Variants in CFAP36 observed in about 807,000 individuals in gnomAD.
CFAP36 encodes the protein cilia- and flagella-associated protein 36.
CFAP36 carries 37 observed loss-of-function variants against 50.5 expected under a neutral mutation model. The observed-to-expected ratio is 0.73, with a 90% CI of 0.56 to 0.96. The LOEUF is 0.96. Among genes scored for constraint, CFAP36 ranks in the 50% least tolerant of loss-of-function variants. CFAP36 has a pLI of 0.00. For synonymous variants in CFAP36, 138 were observed against 128.2 expected, an observed-to-expected ratio of 1.08 and a Z score of -0.52; for missense variants, 407 against 396.2, an observed-to-expected ratio of 1.03 and a Z score of -0.23.
At position 55,519,723 on chromosome 2, in the gene CFAP36, G is replaced by C. The variant is rs1460465962; in HGVS notation, c.-79G>C. On this transcript the variant is annotated 5_prime_UTR_variant, in exon 1 of 10. Coordinates refer to ENST00000349456, the MANE Select transcript of CFAP36 (RefSeq NM_080667.7). ...GCCAGCTCTTCCCCTACTCCCTCTCGGCTCCTTGTGGCCCAAAGGCCTAAC... is the reference window on the plus strand; with the variant it reads ...GCCAGCTCTTCCCCTACTCCCTCTCCGCTCCTTGTGGCCCAAAGGCCTAAC... The C allele has an allele frequency of 9.9e-6, 14 of 1,408,042 alleles. No individual in the cohort carries two copies. Among genetic ancestry groups the C allele is most frequent in the African/African-American group, 1.4e-5 (1 of 70,696 alleles). The allele number at this position is 1,408,042 out of a possible 1,614,324, so 87.2% of individuals were successfully genotyped here.
At chr2:55,540,791 G>C (rs1442389448) in intron 7 of CFAP36, among the ~76,000 whole-genome samples, 3 of 152,026 alleles carry the variant, frequency 2.0e-5, no homozygotes, top group Admixed American at 6.6e-5. Flanking sequence ...CGGGAAAACT[G>C]TTCGAGCTCA....
intron 3 of CFAP36, among the ~76,000 whole-genome samples, chr2:55,527,473 T>C (rs1684239385): frequency 6.6e-6 from 1 of 152,082 alleles, no homozygotes. Context: ...TCCCAGCTAC[T>C]CAGGAGGCTG....
At chr2:55,536,281 C>T (rs1472813713) in intron 6 of CFAP36, among the ~76,000 whole-genome samples, 4 of 148,168 alleles carry the variant, frequency 2.7e-5, no homozygotes, top group African/African-American at 7.5e-5. Context: ...TACAAGCGTG[C>T]GCCATCACGC....
At chr2:55,522,482 A>AT (rs988365409) in intron 2 of CFAP36, among the ~76,000 whole-genome samples, 13 of 151,970 alleles carry the variant, frequency 8.6e-5, no homozygotes, top group Non-Finnish European at 1.5e-5. Context: ...TTGTCATGTG[A>AT]TTTTTTTATT....
chr2:55,524,978 TAA>T (rs776871161), intron 3 of CFAP36, among the ~76,000 whole-genome samples: 1 of 125,476 alleles, frequency 8.0e-6, no homozygotes, highest in African/African-American at 3.0e-5. Flanking sequence ...CAAAACTGTC[TAA>T]AAAAAAAAAA....
At chr2:55,538,741 C>T in intron 7 of CFAP36, 1 of 1,452,694 alleles carries the variant, frequency 6.9e-7, no homozygotes, top group Non-Finnish European at 9.4e-7. Flanking sequence ...CTGTACCCAT[C>T]CCTTCTTTTT....
chr2:55,543,909 A>G (rs1442434614), intron 7 of CFAP36, 29 bp from the exon 8 acceptor site: 3 of 1,570,226 alleles, frequency 1.9e-6, no homozygotes, highest in Middle Eastern at 1.7e-4. Context: ...ATAATATTCT[A>G]ATTGCTCTTA....
At chr2:55,528,070 C>T (rs893819317) in intron 3 of CFAP36, among the ~76,000 whole-genome samples, 2 of 151,596 alleles carry the variant, frequency 1.3e-5, no homozygotes, top group African/African-American at 4.8e-5. Context: ...CCAGGCTGGT[C>T]TCAAACTGCT....
chr2:55,534,740 A>C (rs1019543904), intron 5 of CFAP36, among the ~76,000 whole-genome samples: 1 of 152,134 alleles, frequency 6.6e-6, no homozygotes, highest in Admixed American at 6.5e-5. Context: ...TTCTCCAACT[A>C]TACTACCACA....
intron 2 of CFAP36, 45 bp from the exon 3 acceptor site, chr2:55,523,676 A>G: frequency 2.3e-6 from 3 of 1,313,350 alleles, no homozygotes; most frequent in Non-Finnish European, 3.2e-6. Flanking sequence ...ACTGTCATGT[A>G]GAATTTTTCT....
intron 7 of CFAP36, among the ~76,000 whole-genome samples, chr2:55,541,089 C>T (rs963826886): frequency 3.9e-5 from 6 of 152,022 alleles, no homozygotes; most frequent in Admixed American, 2.0e-4. Flanking sequence ...TTTGGGAGGC[C>T]GAGGTGGTGG....
At position 55,543,931 on chromosome 2, in the gene CFAP36, T is replaced by C; in HGVS notation, c.641-7T>C. The C allele has an allele frequency of 1.9e-6, 3 of 1,609,458 alleles. No homozygotes were observed. Among genetic ancestry groups the C allele is most frequent in the East Asian group, 2.2e-5 (1 of 44,858 alleles). On this transcript the variant is annotated splice_region_variant and splice_polypyrimidine_tract_variant and intron_variant, in intron 7 of 9. Transcript: ENST00000349456. The stretch of plus-strand genomic sequence containing the variant: ...TCTAATTGCTCTTATTGTCTACTTA[T>C]TGCCAGAAGTTAAAATGCATTTTGC...
rs144428112 is a variant in CFAP36, at chr2:55,536,439, C to G, written c.537+676C>G. 1.3e-3 allele frequency among the ~76,000 whole-genome samples: 192 copies of G among 151,450 alleles called. 2 individuals carry two copies. The highest frequency in any genetic ancestry group is 2.3e-3 in the Non-Finnish European group (155 of 67,782). ...AGCCACCATGCCCGGCCAGAACAAC[C>G]TTTTATACTCTTTTATTTATTTATT... On this transcript the variant is annotated intron_variant, in intron 6 of 9. Transcript: ENST00000349456.
rs1684564579 is a variant in CFAP36 at position 55,538,984 on chromosome 2, C to T, written c.640+1399C>T. The T allele has an allele frequency of 3.8e-6, 5 of 1,331,928 alleles. No homozygotes were observed. In the African/African-American group the frequency reaches 4.5e-5, roughly 12 times the overall value. 82.5% of individuals were successfully genotyped at this position (1,331,928 alleles called of 1,614,324 possible). ...CCTAATTTAAGCTGTTTTAGGTTCACAGTAAAATTGAGCAGAAGGTACAGA... is the reference window on the plus strand; with the variant it reads ...CCTAATTTAAGCTGTTTTAGGTTCATAGTAAAATTGAGCAGAAGGTACAGA... On this transcript the variant is annotated intron_variant, in intron 7 of 9. Coordinates refer to ENST00000349456, the MANE Select transcript of CFAP36 (RefSeq NM_080667.7).
At chr2:55,537,673 T>G in intron 7 of CFAP36, 88 bp downstream of exon 7, 2 of 833,548 alleles carry the variant, frequency 2.4e-6, no homozygotes, top group Non-Finnish European at 3.8e-6. Context: ...CTTATTTAAC[T>G]TCAAAAGCCC....
intron 2 of CFAP36, among the ~76,000 whole-genome samples, chr2:55,522,613 G>A (rs1684100760): frequency 6.6e-6 from 1 of 152,160 alleles, no homozygotes; most frequent in Non-Finnish European, 1.5e-5. Context: ...AGCCACCTGA[G>A]TAGCTGGGAC....
chr2:55,543,165 T>C (rs1684684410), intron 7 of CFAP36, among the ~76,000 whole-genome samples: 2 of 152,184 alleles, frequency 1.3e-5, no homozygotes, highest in Admixed American at 1.3e-4. Flanking sequence ...GATCTTAGCA[T>C]CATTTTAATG....
At chr2:55,528,839 A>G in intron 3 of CFAP36, 39 bp from the exon 4 acceptor site, 1 of 1,310,068 alleles carries the variant, frequency 7.6e-7, no homozygotes, top group Non-Finnish European at 1.1e-6. Context: ...ATAGTTTTAA[A>G]ACTTGAATCT....
intron 9 of CFAP36, among the ~76,000 whole-genome samples, chr2:55,544,590 A>C (rs769411931): frequency 2.6e-5 from 4 of 152,026 alleles, no homozygotes; most frequent in Non-Finnish European, 5.9e-5. Flanking sequence ...TTTTTTTCTT[A>C]TGCTGTTTCT....
Sources: gnomAD v4.1 joint callset for allele counts (sites outside exome capture counted in the v4.1 genomes callset) on GRCh38, gnomAD v4.1.1 for gene constraint, MANE v1.5 for transcripts, NCBI Gene and HGNC (gene_info 2026-07-23, HGNC 2026-07-21) for gene names.